The following CALN1 variants were observed in gnomAD, a reference collection of about 807,000 sequenced individuals.
CALN1 encodes calcium-binding protein 8.
CALN1 carries 17 observed loss-of-function variants against 30.6 expected under a neutral mutation model. The ratio of observed to expected loss-of-function variants is 0.56; its 90% CI spans 0.38 to 0.83. The LOEUF is 0.83. Ranked by LOEUF, CALN1 falls within the 40% of genes least tolerant of loss-of-function variation. CALN1 has a pLI of 0.00. For missense variants in CALN1, 291 were observed against 354.9 expected, an observed-to-expected ratio of 0.82 and a Z score of 1.45; for synonymous variants, 156 against 131.4, an observed-to-expected ratio of 1.19 and a Z score of -1.28.
chr7:72,486,047 C>T, the CALN1 span, among the ~76,000 whole-genome samples: 1 of 152,228 alleles, frequency 6.6e-6, no homozygotes, highest in East Asian at 1.9e-4. Flanking sequence ...TTACAGAAAC[C>T]TAGATGATAT....
chr7:71,852,716 A>T (rs897311934), intron 5 of CALN1, among the ~76,000 whole-genome samples: 1 of 152,126 alleles, frequency 6.6e-6, no homozygotes, highest in African/African-American at 2.4e-5. Flanking sequence ...CCTTGCCAAC[A>T]TTCGGTATTT....
chr7:72,174,803 G>A (rs979692165), intron 3 of CALN1, among the ~76,000 whole-genome samples: 1 of 152,122 alleles, frequency 6.6e-6, no homozygotes, highest in African/African-American at 2.4e-5. Context: ...GGGGTGTGAT[G>A]GAAATCTTTG....
intron 5 of CALN1, among the ~76,000 whole-genome samples, chr7:72,003,110 TAC>T (rs1405022613): frequency 6.6e-6 from 1 of 152,206 alleles, no homozygotes; most frequent in African/African-American, 2.4e-5. Context: ...CCACAATGTA[TAC>T]AGATATCAAA....
chr7:72,445,623 C>T (rs1294527690), intron 1 of CALN1, among the ~76,000 whole-genome samples: 1 of 152,164 alleles, frequency 6.6e-6, no homozygotes, highest in Non-Finnish European at 1.5e-5. Flanking sequence ...CCATCAAGCG[C>T]TTCACTCATA....
At chr7:71,961,368 T>C (rs1012322475) in intron 5 of CALN1, among the ~76,000 whole-genome samples, 4 of 152,206 alleles carry the variant, frequency 2.6e-5, no homozygotes, top group African/African-American at 9.6e-5. Context: ...CAAATGTATT[T>C]ATACATAAAA....
chr7:72,400,234 T>C lies in CALN1; in HGVS notation c.119+3017A>G, dbSNP rs1806245782. Among the ~76,000 whole-genome samples, 5 of 152,314 alleles carry C rather than the reference T, an allele frequency of 3.3e-5. No individual in the cohort carries two copies. In the South Asian group the frequency reaches 1.0e-3, roughly 32 times the overall value. On this transcript the variant is annotated intron_variant, in intron 2 of 6. Coordinates refer to ENST00000395275, the MANE Select transcript of CALN1 (RefSeq NM_031468.4). ...TTTATAGTGGCAGCAGCTACGTTCATGCATCTGACCCTCTTCTCTTGGGCA... is the reference window on the plus strand; with the variant it reads ...TTTATAGTGGCAGCAGCTACGTTCACGCATCTGACCCTCTTCTCTTGGGCA...
intron 3 of CALN1, among the ~76,000 whole-genome samples, chr7:72,157,666 C>A (rs1787800237): frequency 1.3e-5 from 2 of 152,186 alleles, no homozygotes; most frequent in Admixed American, 6.5e-5. Flanking sequence ...GAGGGACAGA[C>A]CTTTCCAATT....
intron 3 of CALN1, among the ~76,000 whole-genome samples, chr7:72,162,004 T>C (rs1347919701): frequency 6.6e-6 from 1 of 150,454 alleles, no homozygotes. Context: ...ATACTTTATA[T>C]ATATATTATA....
intron 5 of CALN1, among the ~76,000 whole-genome samples, chr7:71,838,595 G>A (rs552762649): frequency 5.6e-4 from 85 of 152,296 alleles, no homozygotes; most frequent in African/African-American, 1.9e-3. Context: ...CCTGTGGTAT[G>A]GTTTGGCTGT....
intron 3 of CALN1, among the ~76,000 whole-genome samples, chr7:72,164,220 T>C (rs1246566691): frequency 1.3e-5 from 2 of 151,510 alleles, no homozygotes; most frequent in East Asian, 1.9e-4. Flanking sequence ...ATACAAAAAT[T>C]AGCCGGGCAT....
At chr7:72,164,352 A>G (rs113503777) in intron 3 of CALN1, among the ~76,000 whole-genome samples, 1 of 107,452 alleles carries the variant, frequency 9.3e-6, no homozygotes, top group African/African-American at 3.6e-5. Context: ...ACTCCGTCAA[A>G]AAAAAAAAAA....
intron 5 of CALN1, among the ~76,000 whole-genome samples, chr7:72,007,129 C>G (rs547018281): frequency 1.3e-5 from 2 of 152,186 alleles, no homozygotes; most frequent in Non-Finnish European, 2.9e-5. Context: ...CAGGACTGTT[C>G]GGAATAAAGA....
intron 5 of CALN1, chr7:71,913,931 A>G (rs1794558566): frequency 6.6e-6 from 1 of 152,354 alleles, no homozygotes; most frequent in East Asian, 1.9e-4. Flanking sequence ...GTTAGGAATC[A>G]TTGTCCCTGG....
At chr7:71,924,552 GCTAT>G (rs1443933422) in intron 5 of CALN1, among the ~76,000 whole-genome samples, 17 of 152,088 alleles carry the variant, frequency 1.1e-4, no homozygotes, top group Admixed American at 1.1e-3. Context: ...TCCAATCCAT[GCTAT>G]CTCAGATAAA....
chr7:72,092,445 C>T (rs1357327659), intron 4 of CALN1, among the ~76,000 whole-genome samples: 1 of 151,858 alleles, frequency 6.6e-6, no homozygotes, highest in Non-Finnish European at 1.5e-5. Context: ...CACACACACC[C>T]ACACACACAT....
chr7:72,099,015 G>A (rs1366288144), intron 4 of CALN1, among the ~76,000 whole-genome samples: 1 of 152,198 alleles, frequency 6.6e-6, no homozygotes, highest in Admixed American at 6.5e-5. Context: ...AACCTCATGT[G>A]TCAACTTGAG....
chr7:72,456,893 G>A, the CALN1 span, among the ~76,000 whole-genome samples: 7 of 151,834 alleles, frequency 4.6e-5, no homozygotes, highest in Non-Finnish European at 8.8e-5. Context: ...CAACCATACG[G>A]CATATCTAAG....
chr7:72,392,602 A>C (rs1344055171), intron 2 of CALN1, among the ~76,000 whole-genome samples: 1 of 152,154 alleles, frequency 6.6e-6, no homozygotes, highest in Non-Finnish European at 1.5e-5. Flanking sequence ...TGCTAACAGC[A>C]AGACTATTTA....
At chr7:71,915,045 A>G (rs1794617012) in intron 5 of CALN1, among the ~76,000 whole-genome samples, 2 of 152,222 alleles carry the variant, frequency 1.3e-5, no homozygotes. Flanking sequence ...GTACACAAAC[A>G]CTTCCTGTGT....
Sources: gnomAD v4.1 joint callset for allele counts (sites outside exome capture counted in the v4.1 genomes callset) on GRCh38, gnomAD v4.1.1 for gene constraint, MANE v1.5 for transcripts, NCBI Gene and HGNC (gene_info 2026-07-23, HGNC 2026-07-21) for gene names.